The following REXO5 variants were observed in gnomAD, a reference collection of about 807,000 sequenced individuals.
REXO5 encodes RNA exonuclease 5.
A neutral mutation model predicts 88.5 loss-of-function variants in REXO5; 48 were observed. The ratio of observed to expected loss-of-function variants is 0.54; its 90% CI spans 0.43 to 0.69. The LOEUF (loss-of-function observed/expected upper bound fraction) is 0.69. REXO5 is among the 30% of genes least tolerant of loss of function. The probability of loss-of-function intolerance (pLI) is 0.00; values close to 1 mark genes in which losing one functional copy is unlikely to be tolerated. For missense variants in REXO5, 749 were observed against 912.2 expected (o/e 0.82, Z 2.30); for synonymous variants, 311 against 336.5 (o/e 0.92, Z 0.83).
chr16:20,816,866 C>T (rs1018993322), intron 5 of REXO5, among the ~76,000 whole-genome samples: 3 of 152,180 alleles, frequency 2.0e-5, no homozygotes, highest in Non-Finnish European at 4.4e-5. Context: ...TTGCCTTTGA[C>T]TAATATAAGG....
chr16:20,830,334 C>T (rs1449013015), intron 11 of REXO5, among the ~76,000 whole-genome samples: 1 of 151,946 alleles, frequency 6.6e-6, no homozygotes, highest in Non-Finnish European at 1.5e-5. Flanking sequence ...TTACAGGTGC[C>T]TGCCACCACA....
At chr16:20,840,554 C>T (rs1337741813) in intron 15 of REXO5, 86 bp downstream of exon 15, 45 of 1,220,258 alleles carry the variant, frequency 3.7e-5, no homozygotes, top group African/African-American at 4.5e-5. Flanking sequence ...AGCAAATATT[C>T]GTAAAGTAAG....
intron 7 of REXO5, 69 bp downstream of exon 7, chr16:20,824,596 A>G (rs2036870461): frequency 5.4e-6 from 5 of 926,326 alleles, no homozygotes; most frequent in Non-Finnish European, 8.8e-6. Context: ...TGATTTCTTG[A>G]GTCTAATGCA....
chr16:20,833,701 A>G (rs1242578510), intron 13 of REXO5, among the ~76,000 whole-genome samples: 1 of 151,334 alleles, frequency 6.6e-6, no homozygotes, highest in African/African-American at 2.4e-5. Context: ...TCATGTACAC[A>G]CTCTCTCTTT....
At chr16:20,832,931 C>T (rs2081369016) in intron 12 of REXO5, 72 bp from the exon 13 acceptor site, 1 of 1,418,714 alleles carries the variant, frequency 7.0e-7, no homozygotes, top group South Asian at 1.3e-5. Flanking sequence ...TTGTATAATG[C>T]AAGTATAGAG....
At chr16:20,816,413 C>T (rs564009188) in intron 5 of REXO5, among the ~76,000 whole-genome samples, 1 of 152,172 alleles carries the variant, frequency 6.6e-6, no homozygotes, top group South Asian at 2.1e-4. Context: ...GCAGCCTTGA[C>T]CTCCCAGACT....
chr16:20,825,797 A>G, intron 7 of REXO5, 36 bp from the exon 8 acceptor site: 1 of 1,441,198 alleles, frequency 6.9e-7, no homozygotes, highest in Non-Finnish European at 9.7e-7. Flanking sequence ...AATAACTTCC[A>G]CAGTTCAGCA....
chr16:20,833,231 A>C lies in REXO5; in HGVS notation c.1383+108A>C, dbSNP rs539132651. The stretch of plus-strand genomic sequence containing the variant: ...TTTTTTCATCAGCAACCCTGGCTAC[A>C]GTTAGCAAGCCTGGCTTGTGTCTCA... On this transcript the variant is annotated intron_variant, in intron 13 of 19. Coordinates refer to ENST00000261377, the MANE Select transcript of REXO5 (RefSeq NM_030941.3). 1.6e-5 allele frequency: 19 copies of C among 1,193,258 alleles called. No homozygotes were observed. The South Asian group carries it at 3.2e-4, about 20-fold the overall frequency. 73.9% of individuals were successfully genotyped at this position (1,193,258 alleles called of 1,614,324 possible).
At chr16:20,848,438 G>A (rs2081643733) in intron 19 of REXO5, among the ~76,000 whole-genome samples, 1 of 152,088 alleles carries the variant, frequency 6.6e-6, no homozygotes, top group African/African-American at 2.4e-5. Flanking sequence ...CTGAACAAGT[G>A]GAGAAAAAGT....
At chr16:20,820,532 A>T (rs1596578197) in intron 5 of REXO5, among the ~76,000 whole-genome samples, 1 of 9,980 alleles carries the variant, frequency 1.0e-4, no homozygotes, top group Non-Finnish European at 1.8e-4. Context: ...ATATATATAT[A>T]TATATATATA....
At chr16:20,835,611 A>G (rs963190977) in intron 13 of REXO5, among the ~76,000 whole-genome samples, 1 of 145,606 alleles carries the variant, frequency 6.9e-6, no homozygotes, top group Non-Finnish European at 1.5e-5. Flanking sequence ...TTCATTTTCC[A>G]ATATCCCGAG....
chr16:20,824,343 A>G, intron 6 of REXO5, 96 bp from the exon 7 acceptor site: 1 of 668,152 alleles, frequency 1.5e-6, no homozygotes, highest in Non-Finnish European at 2.6e-6. Context: ...ATATCTGACT[A>G]AAATATCTAG....
intron 13 of REXO5, among the ~76,000 whole-genome samples, chr16:20,839,401 C>T (rs2081490340): frequency 6.6e-6 from 1 of 151,744 alleles, no homozygotes; most frequent in Non-Finnish European, 1.5e-5. Context: ...ATCTATTAAG[C>T]CTCCTCTCCC....
chr16:20,844,532 A>G, intron 16 of REXO5, 97 bp from the exon 17 acceptor site: 1 of 1,054,202 alleles, frequency 9.5e-7, no homozygotes, highest in Non-Finnish European at 1.4e-6. Context: ...GGAAACTGAA[A>G]AATGAAGTTA....
In REXO5 at chr16:20,845,162, T is replaced by C; in HGVS notation, c.2045T>C (p.Leu682Pro). 6.2e-7 allele frequency: 1 copy of C among 1,614,086 alleles called. No homozygotes were observed. Among genetic ancestry groups the C allele is most frequent in the Non-Finnish European group, 8.5e-7 (1 of 1,180,006 alleles). Reference sequence around the variant, plus strand: ...ACCCCCAGGCACCTCCATGCCTGGCTCAGAGGCTTACCACCTGAATCAACA... The same window carrying C: ...ACCCCCAGGCACCTCCATGCCTGGCCCAGAGGCTTACCACCTGAATCAACA... ...ALTPRHLHAW[L>P]RGLPPESTRL... Residue 682 changes from leucine (L) to proline (P), a missense_variant, in exon 18 of 20, where the codon CTC becomes CCC. By Grantham distance (98) the Leu-to-Pro change is moderately conservative. Coordinates refer to ENST00000261377, the MANE Select transcript of REXO5 (RefSeq NM_030941.3).
rs748403552 is a variant in REXO5 at position 20,844,669 on chromosome 16, C to T, written c.1760C>T (p.Thr587Ile). The T allele has an allele frequency of 1.2e-6, 2 of 1,614,168 alleles. No individual in the cohort carries two copies. The highest frequency in any genetic ancestry group is 2.2e-5 in the South Asian group (2 of 91,078). ...ACAGAGCTCACGCTTGATTGTGACA[C>T]CCTCGTGAATGAGCTGGAAGGAGAT... ...PVTELTLDCD[T>I]LVNELEGDSE... The change falls in exon 17 of 20, where the codon ACC becomes ATC. Residue 587 changes from threonine (T) to isoleucine (I), a missense_variant. Physicochemically the swap from Thr to Ile is moderately conservative, Grantham distance 89 (BLOSUM62 -1). Transcript: ENST00000261377.
In REXO5 at chr16:20,844,655, G is replaced by A. The variant is rs755174781; in HGVS notation, c.1746G>A (p.Thr582=). ...IKVQRPVTEL[T]LDCDTLVNEL... ...TGCAGAGGCCTGTGACAGAGCTCACGCTTGATTGTGACACCCTCGTGAATG... is the reference window on the plus strand; with the variant it reads ...TGCAGAGGCCTGTGACAGAGCTCACACTTGATTGTGACACCCTCGTGAATG... The change falls in exon 17 of 20, where the codon ACG becomes ACA. Residue 582 remains threonine, a synonymous_variant. Coordinates refer to ENST00000261377, the MANE Select transcript of REXO5 (RefSeq NM_030941.3). The A allele has an allele frequency of 5.5e-5, 88 of 1,614,028 alleles. 1 individual carries two copies. The highest frequency in any genetic ancestry group is 5.8e-5 in the Non-Finnish European group (69 of 1,180,022).
chr16:20,844,612 C>T lies in REXO5; in HGVS notation c.1720-17C>T, dbSNP rs2081578857. Reference sequence around the variant, plus strand: ...TAAATTGATTTTCTACCACTAACACCAACTTTCCTTGGTTAGGTGCAGAGG... The same window carrying T: ...TAAATTGATTTTCTACCACTAACACTAACTTTCCTTGGTTAGGTGCAGAGG... On this transcript the variant is annotated splice_polypyrimidine_tract_variant and intron_variant, in intron 16 of 19. Coordinates refer to ENST00000261377, the MANE Select transcript of REXO5 (RefSeq NM_030941.3). The T allele has an allele frequency of 2.5e-6, 4 of 1,612,238 alleles. No individual in the cohort carries two copies. The East Asian group carries it at 6.7e-5, about 27-fold the overall frequency.
intron 11 of REXO5, 39 bp downstream of exon 11, chr16:20,828,576 A>G (rs764870004): frequency 7.5e-7 from 1 of 1,332,912 alleles, no homozygotes; most frequent in Admixed American, 1.7e-5. Flanking sequence ...TTTTCTTAAA[A>G]TCATGGGACT....
Sources: allele counts gnomAD v4.1 joint callset (sites outside exome capture counted in the v4.1 genomes callset), GRCh38; gene constraint gnomAD v4.1.1; transcripts MANE v1.5; gene names NCBI Gene and HGNC (gene_info 2026-07-23, HGNC 2026-07-21).